ROBO1: variants seen among roughly 807,000 people sequenced by gnomAD.
ROBO1 encodes roundabout homolog 1.
Under a neutral mutation model 195.9 loss-of-function variants are expected in ROBO1, and 149 were observed. The ratio of observed to expected loss-of-function variants is 0.76; its 90% confidence interval spans 0.67 to 0.87. The LOEUF (loss-of-function observed/expected upper bound fraction) is 0.87. Among genes scored for constraint, ROBO1 ranks in the 40% least tolerant of loss-of-function variants. The probability of loss-of-function intolerance (pLI) is 0.00; values close to 1 mark genes in which losing one functional copy is unlikely to be tolerated. For synonymous variants in ROBO1, 816 were observed against 733.2 expected, an observed-to-expected ratio of 1.11 and a Z score of -1.82; for missense variants, 1,933 against 2,068.3, an observed-to-expected ratio of 0.93 and a Z score of 1.27.
chr3:78,899,503 T>C (rs1163206270), intron 4 of ROBO1, among the ~76,000 whole-genome samples: 1 of 152,216 alleles, frequency 6.6e-6, no homozygotes, highest in Non-Finnish European at 1.5e-5. Context: ...TATAATCCTA[T>C]ATTTGTGTTA....
chr3:79,417,374 G>A (rs1273406722), intron 2 of ROBO1, among the ~76,000 whole-genome samples: 1 of 152,110 alleles, frequency 6.6e-6, no homozygotes, highest in Non-Finnish European at 1.5e-5. Flanking sequence ...AATCATGTGA[G>A]TGAGTTGATG....
intron 1 of ROBO1, among the ~76,000 whole-genome samples, chr3:79,613,233 T>G (rs1470913117): frequency 6.6e-6 from 1 of 152,012 alleles, no homozygotes; most frequent in Non-Finnish European, 1.5e-5. Flanking sequence ...GCTTTAAAAC[T>G]ACTATTTTAT....
Position 79,280,788 on chromosome 3 carries a change from G to A in ROBO1, c.89-155249C>T, listed in dbSNP as rs765506729. Among the ~76,000 whole-genome samples the A allele has an allele frequency of 1.3e-4, 20 of 152,218 alleles. No individual in the cohort carries two copies. In the East Asian group the frequency reaches 1.5e-3, roughly 12 times the overall value. On this transcript the variant is annotated intron_variant, in intron 2 of 30. Transcript: ENST00000464233. The stretch of plus-strand genomic sequence containing the variant: ...TCATCAAGCATTCGATTCTCATAAG[G>A]AGCCTGCAACCTACATTGCTCGCAT...
At chr3:78,747,165 T>C (rs1476153) in intron 4 of ROBO1, among the ~76,000 whole-genome samples, 145,604 of 152,218 alleles carry the variant, frequency 0.96, 69,950 homozygotes, top group East Asian at 1. Context: ...TCACAGTTAG[T>C]ATTTGGCTCA....
intron 13 of ROBO1, 21 bp downstream of exon 13, chr3:78,668,113 G>A (rs377558106): frequency 8.4e-5 from 135 of 1,611,706 alleles, no homozygotes; most frequent in Non-Finnish European, 1.1e-4. Flanking sequence ...GAACAACTAG[G>A]AAGCATCTCC....
chr3:79,691,077 T>C (rs920156958), intron 1 of ROBO1, among the ~76,000 whole-genome samples: 9 of 151,932 alleles, frequency 5.9e-5, no homozygotes, highest in African/African-American at 2.2e-4. Context: ...CCAGTAAGAA[T>C]CAAGTGCAGG....
intron 3 of ROBO1, among the ~76,000 whole-genome samples, chr3:79,064,375 T>C (rs1410894727): frequency 6.6e-6 from 1 of 152,080 alleles, no homozygotes; most frequent in African/African-American, 2.4e-5. Context: ...CTCAGTCTCC[T>C]GTACTTTTTC....
intron 4 of ROBO1, among the ~76,000 whole-genome samples, chr3:78,787,496 A>T (rs915933282): frequency 6.6e-6 from 1 of 152,214 alleles, no homozygotes; most frequent in Non-Finnish European, 1.5e-5. Context: ...GGTACATAAT[A>T]ACCATAAGTA....
intron 1 of ROBO1, among the ~76,000 whole-genome samples, chr3:79,605,246 C>CA (rs1553772498): frequency 6.8e-6 from 1 of 147,874 alleles, no homozygotes; most frequent in East Asian, 2.0e-4. Context: ...TTCCGTATTA[C>CA]TTTTTTTTTT....
intron 1 of ROBO1, among the ~76,000 whole-genome samples, chr3:79,656,033 A>T (rs1436880294): frequency 6.6e-6 from 1 of 152,110 alleles, no homozygotes; most frequent in Non-Finnish European, 1.5e-5. Context: ...TAAAGTCAGC[A>T]CAAGAACACT....
At chr3:78,928,967 G>T (rs1404990225) in intron 4 of ROBO1, among the ~76,000 whole-genome samples, 2 of 152,064 alleles carry the variant, frequency 1.3e-5, no homozygotes, top group East Asian at 1.9e-4. Flanking sequence ...GAGAGATTGA[G>T]ATATATAAAT....
chr3:79,576,688 T>C (rs532861854), intron 2 of ROBO1, among the ~76,000 whole-genome samples: 1 of 152,120 alleles, frequency 6.6e-6, no homozygotes, highest in Non-Finnish European at 1.5e-5. Flanking sequence ...GATGATCATA[T>C]ACACACTTGG....
At chr3:78,707,696 A>G (rs1278851656) in intron 8 of ROBO1, among the ~76,000 whole-genome samples, 3 of 152,176 alleles carry the variant, frequency 2.0e-5, no homozygotes, top group African/African-American at 7.2e-5. Flanking sequence ...TGGTTTGGCA[A>G]TGTTTAGCAC....
At chr3:79,634,373 C>T (rs1945435324) in intron 1 of ROBO1, among the ~76,000 whole-genome samples, 2 of 152,066 alleles carry the variant, frequency 1.3e-5, no homozygotes, top group African/African-American at 4.8e-5. Flanking sequence ...GATGAGACAT[C>T]CAGAATCAGA....
At position 79,214,845 on chromosome 3, in the gene ROBO1, T is replaced by C. The variant is rs146188564; in HGVS notation, c.89-89306A>G. 2.1e-3 allele frequency among the ~76,000 whole-genome samples: 303 copies of C among 146,910 alleles called. 4 individuals carry two copies. Among genetic ancestry groups the C allele is most frequent in the African/African-American group, 6.6e-3 (260 of 39,664 alleles). On this transcript the variant is annotated intron_variant, in intron 2 of 30. Transcript: ENST00000464233. ...ATATATATTTTTTTTTTTTTTGAGG[T>C]ACAGTTTGAGGTTTAGTCTCTTCCC...
At chr3:78,800,706 A>C (rs985755871) in intron 4 of ROBO1, among the ~76,000 whole-genome samples, 2 of 151,886 alleles carry the variant, frequency 1.3e-5, no homozygotes, top group Non-Finnish European at 2.9e-5. Flanking sequence ...ACAGGCGCCC[A>C]CCACCATGCC....
At chr3:78,975,221 A>G (rs1438076908) in intron 3 of ROBO1, among the ~76,000 whole-genome samples, 2 of 152,158 alleles carry the variant, frequency 1.3e-5, no homozygotes, top group East Asian at 3.8e-4. Context: ...AAACTAAAAT[A>G]TCTTCCACAC....
chr3:79,114,356 C>A (rs552631343), intron 3 of ROBO1, among the ~76,000 whole-genome samples: 3 of 152,218 alleles, frequency 2.0e-5, no homozygotes, highest in Non-Finnish European at 2.9e-5. Flanking sequence ...CAGGCAAATG[C>A]ACACTTCTCT....
intron 1 of ROBO1, among the ~76,000 whole-genome samples, chr3:79,619,457 G>A (rs7432704): frequency 0.57 from 86,747 of 151,860 alleles, 26,238 homozygotes; most frequent in East Asian, 0.89. Flanking sequence ...ATACATACTC[G>A]ATAATGGTTC....
Sources: allele counts gnomAD v4.1 joint callset (sites outside exome capture counted in the v4.1 genomes callset), GRCh38; gene constraint gnomAD v4.1.1; transcripts MANE v1.5; gene names NCBI Gene and HGNC (gene_info 2026-07-23, HGNC 2026-07-21).